Variants in L2HGDH observed in about 807,000 individuals in gnomAD.
L2HGDH encodes L-2-hydroxyglutarate dehydrogenase, mitochondrial.
Under a neutral mutation model 51.5 loss-of-function variants are expected in L2HGDH, and 34 were observed. The ratio of observed to expected loss-of-function variants is 0.66; its 90% CI spans 0.50 to 0.88. The LOEUF is 0.88. L2HGDH is among the 40% of genes least tolerant of loss of function. The probability of loss-of-function intolerance (pLI) is 0.00; values close to 1 mark genes in which losing one functional copy is unlikely to be tolerated. For synonymous variants in L2HGDH, 198 were observed against 197.9 expected, an observed-to-expected ratio of 1.00 and a Z score of -0.01; for missense variants, 558 against 571.9, an observed-to-expected ratio of 0.98 and a Z score of 0.25.
At chr14:50,301,182 G>A (rs2030388426) in intron 3 of L2HGDH, among the ~76,000 whole-genome samples, 1 of 152,176 alleles carries the variant, frequency 6.6e-6, no homozygotes, top group African/African-American at 2.4e-5. Flanking sequence ...ATAGATGTTG[G>A]CAAGGACATG....
rs370435252 is a variant in L2HGDH at position 50,312,179 on chromosome 14, C to G, written c.-29G>C. 1.0e-5 allele frequency: 16 copies of G among 1,607,138 alleles called. No homozygotes were observed. Among genetic ancestry groups the G allele is most frequent in the Non-Finnish European group, 8.5e-7 (1 of 1,178,944 alleles). ...CTACGCACGCTCCCCTCCCTCAGCG[C>G]TCAGAAGAAGCCACTTGACCCTCCA... is the stretch of plus-strand genomic sequence containing the variant. On this transcript the variant is annotated 5_prime_UTR_variant, in exon 1 of 10. Coordinates refer to ENST00000267436, the MANE Select transcript of L2HGDH (RefSeq NM_024884.3).
rs76178303 is a variant in L2HGDH, at chr14:50,282,824, T to A, written c.703+1047A>T. On this transcript the variant is annotated intron_variant, in intron 5 of 9. Coordinates refer to ENST00000267436, the MANE Select transcript of L2HGDH (RefSeq NM_024884.3). ...TGGGAGGTCAAGTGGGCAGATCACT[T>A]GAGTCCAGGAGTTCGAGAGCAGCAT... Among the ~76,000 whole-genome samples, 528 of 152,148 alleles carry A rather than the reference T, an allele frequency of 3.5e-3. 3 individuals carry two copies. Among genetic ancestry groups the A allele is most frequent in the African/African-American group, 0.012 (494 of 41,514 alleles).
At chr14:50,252,691 G>A (rs1013850936) in intron 9 of L2HGDH, among the ~76,000 whole-genome samples, 5 of 151,970 alleles carry the variant, frequency 3.3e-5, no homozygotes, top group African/African-American at 1.2e-4. Flanking sequence ...AAGAGACAAA[G>A]AAGATTATTA....
intron 3 of L2HGDH, among the ~76,000 whole-genome samples, chr14:50,294,602 T>C (rs1054127547): frequency 4.6e-5 from 7 of 151,588 alleles, no homozygotes; most frequent in Non-Finnish European, 1.0e-4. Flanking sequence ...TGGACTTTAC[T>C]TTTTTTCCCC....
In L2HGDH at chr14:50,245,040, T is replaced by C; in HGVS notation, c.*2018A>G. ...CGATAGATACCACAAAACACATATA[T>C]ACAGGATATACCACAGCACTGGGCA... On this transcript the variant is annotated 3_prime_UTR_variant, in exon 10 of 10. Coordinates refer to ENST00000267436, the MANE Select transcript of L2HGDH (RefSeq NM_024884.3). The C allele has an allele frequency of 4.1e-6, 4 of 985,776 alleles. No individual in the cohort carries two copies. Among genetic ancestry groups the C allele is most frequent in the Non-Finnish European group, 4.8e-6 (4 of 829,894 alleles). The allele number at this position is 985,776 out of a possible 1,614,324, so 61.1% of individuals were successfully genotyped here. A position where few individuals can be genotyped will look rare whatever the true frequency, so the allele number is the denominator to read the frequency against.
In L2HGDH at chr14:50,245,104, T is replaced by C. The variant is rs1480662106; in HGVS notation, c.*1954A>G. 7 of 985,700 alleles carry C rather than the reference T, an allele frequency of 7.1e-6. No individual in the cohort carries two copies. The highest frequency in any genetic ancestry group is 8.4e-6 in the Non-Finnish European group (7 of 829,932). 61.1% of individuals were successfully genotyped at this position (985,700 alleles called of 1,614,324 possible). ...CTCATGAGGTGAATGTAAGGCACTT[T>C]CGCGGTTTACAAAAGTGAATGCCTC... On this transcript the variant is annotated 3_prime_UTR_variant, in exon 10 of 10. Transcript: ENST00000267436.
At chr14:50,285,344 T>C (rs1426140801) in intron 4 of L2HGDH, among the ~76,000 whole-genome samples, 2 of 152,246 alleles carry the variant, frequency 1.3e-5, no homozygotes, top group Non-Finnish European at 2.9e-5. Context: ...CAACAGTCTC[T>C]TTTTTAACAA....
chr14:50,274,126 C>T (rs1350520507), intron 6 of L2HGDH, among the ~76,000 whole-genome samples: 1 of 144,424 alleles, frequency 6.9e-6, no homozygotes, highest in Non-Finnish European at 1.5e-5. Context: ...TAAAAATGGG[C>T]AAAGAAGCCG....
chr14:50,246,443 T>G lies in L2HGDH; in HGVS notation c.*615A>C, dbSNP rs34549700. On this transcript the variant is annotated 3_prime_UTR_variant, in exon 10 of 10. Transcript: ENST00000267436. ...CACTATGTTGCCCAGGCTGGATTTT[T>G]TTTTTTTTTTTTTTTTTTTTTGAGA... 1 of 141,312 alleles carries G rather than the reference T, an allele frequency of 7.1e-6. No individual in the cohort carries two copies. Among genetic ancestry groups the G allele is most frequent in the Admixed American group, 7.1e-5 (1 of 14,116 alleles). The allele number at this position is 141,312 out of a possible 1,614,324, so 8.8% of individuals were successfully genotyped here. A position where few individuals can be genotyped will look rare whatever the true frequency, so the allele number is the denominator to read the frequency against.
rs1038827776 is a variant in L2HGDH at position 50,242,814 on chromosome 14, G to A, written c.*4244C>T. On this transcript the variant is annotated 3_prime_UTR_variant, in exon 10 of 10. Coordinates refer to ENST00000267436, the MANE Select transcript of L2HGDH (RefSeq NM_024884.3). ...AAGATCTTTAGATAATAGTGTATGCGCAGAAAGATGAGGAAACCTCTGACC... is the reference window on the plus strand; with the variant it reads ...AAGATCTTTAGATAATAGTGTATGCACAGAAAGATGAGGAAACCTCTGACC... The A allele has an allele frequency of 4.1e-6, 4 of 985,276 alleles. No individual in the cohort carries two copies. The highest frequency in any genetic ancestry group is 4.8e-6 in the Non-Finnish European group (4 of 829,920). 61.0% of individuals were successfully genotyped at this position (985,276 alleles called of 1,614,324 possible). A position where few individuals can be genotyped will look rare whatever the true frequency, so the allele number is the denominator to read the frequency against.
At chr14:50,249,846 C>T (rs1342633766) in intron 9 of L2HGDH, among the ~76,000 whole-genome samples, 1 of 145,984 alleles carries the variant, frequency 6.9e-6, no homozygotes, top group Non-Finnish European at 1.5e-5. Flanking sequence ...GAGCAACAAG[C>T]AGGTTCTTGG....
At chr14:50,303,727 A>C (rs1179059445) in intron 1 of L2HGDH, among the ~76,000 whole-genome samples, 5 of 144,022 alleles carry the variant, frequency 3.5e-5, no homozygotes, top group African/African-American at 7.7e-5. Context: ...CAATGAGCCG[A>C]GGTCATGCCA....
chr14:50,269,432 ATTT>A (rs999567636), intron 6 of L2HGDH, 102 bp from the exon 7 acceptor site: 1 of 1,170,216 alleles, frequency 8.5e-7, no homozygotes, highest in African/African-American at 1.5e-5. Context: ...CAGAAATAGA[ATTT>A]TTTCTAAAAG....
chr14:50,256,951 T>G (rs1226842504), intron 9 of L2HGDH, among the ~76,000 whole-genome samples: 1 of 152,154 alleles, frequency 6.6e-6, no homozygotes, highest in Non-Finnish European at 1.5e-5. Flanking sequence ...TTATTTTATT[T>G]TTGAGACGGA....
intron 1 of L2HGDH, among the ~76,000 whole-genome samples, chr14:50,306,047 G>A (rs2030702488): frequency 7.7e-6 from 1 of 129,606 alleles, no homozygotes; most frequent in African/African-American, 2.8e-5. Context: ...TGTTTTGACT[G>A]ACTTTTTTTT....
rs1198087421 is a variant in L2HGDH, at chr14:50,302,026, C to T, written c.399G>A (p.Gln133=). ...TAATAAAATGCCATACCTTGCCACACTGCTTGTAGGAAATTCCCTTTTGCT... is the reference window on the plus strand; with the variant it reads ...TAATAAAATGCCATACCTTGCCACATTGCTTGTAGGAAATTCCCTTTTGCT... ...YCQQKGISYK[Q]CGKLIVAVEQ... The change falls in exon 3 of 10, where the codon CAG becomes CAA. Residue 133 remains glutamine, a synonymous_variant. Transcript: ENST00000267436. 8 of 1,613,982 alleles carry T rather than the reference C, an allele frequency of 5.0e-6. No individual in the cohort carries two copies. The Admixed American group carries it at 5.0e-5, about 10-fold the overall frequency.
intron 1 of L2HGDH, among the ~76,000 whole-genome samples, chr14:50,308,184 A>G (rs2030841156): frequency 2.0e-5 from 3 of 152,204 alleles, no homozygotes; most frequent in African/African-American, 7.2e-5. Flanking sequence ...TGACGTCAGG[A>G]GTTTGAGACC....
At chr14:50,310,596 G>C (rs561130026) in intron 1 of L2HGDH, among the ~76,000 whole-genome samples, 1 of 152,144 alleles carries the variant, frequency 6.6e-6, no homozygotes, top group East Asian at 1.9e-4. Flanking sequence ...GCATTGGGGA[G>C]GGGGGCTGAG....
At chr14:50,262,457 T>G (rs1889089274) in intron 9 of L2HGDH, among the ~76,000 whole-genome samples, 5 of 151,304 alleles carry the variant, frequency 3.3e-5, no homozygotes, top group Admixed American at 3.3e-4. Flanking sequence ...TCTATTGATC[T>G]TATTTTTATT....
Sources: gnomAD v4.1 joint callset for allele counts (sites outside exome capture counted in the v4.1 genomes callset) on GRCh38, gnomAD v4.1.1 for gene constraint, MANE v1.5 for transcripts, NCBI Gene and HGNC (gene_info 2026-07-23, HGNC 2026-07-21) for gene names.